DNM3: variants seen among roughly 807,000 people sequenced by gnomAD.
DNM3 encodes dynamin-3.
In DNM3, 47 loss-of-function variants were observed where a neutral mutation model predicts 101.6. The observed-to-expected ratio is 0.46, with a 90% confidence interval of 0.37 to 0.59. The LOEUF is 0.59. DNM3 is among the 20% of genes least tolerant of loss of function. The pLI is 0.00. For missense variants in DNM3, 849 were observed against 1,085.7 expected (o/e 0.78, Z 3.06); for synonymous variants, 385 against 387.9 (o/e 0.99, Z 0.09).
intron 16 of DNM3, among the ~76,000 whole-genome samples, chr1:172,317,880 C>A (rs1249003954): frequency 1.3e-5 from 2 of 152,230 alleles, no homozygotes; most frequent in Admixed American, 1.3e-4. Flanking sequence ...TCCTCCCTAA[C>A]TCATTTTGAG....
At chr1:172,084,841 A>G (rs1450121558) in intron 12 of DNM3, among the ~76,000 whole-genome samples, 2 of 152,316 alleles carry the variant, frequency 1.3e-5, no homozygotes. Flanking sequence ...ATGGTGATGT[A>G]CATAGTACTT....
At chr1:172,289,788 G>T in intron 15 of DNM3, 1 of 985,148 alleles carries the variant, frequency 1.0e-6, no homozygotes. Context: ...ATACTTTTGA[G>T]TTACTATTTG....
chr1:172,191,125 T>G (rs2059705831), intron 14 of DNM3, among the ~76,000 whole-genome samples: 1 of 152,186 alleles, frequency 6.6e-6, no homozygotes, highest in African/African-American at 2.4e-5. Flanking sequence ...GCCTAGGTTT[T>G]TTTCTGGGGT....
At chr1:172,119,301 A>G (rs551683447) in intron 13 of DNM3, among the ~76,000 whole-genome samples, 1 of 152,078 alleles carries the variant, frequency 6.6e-6, no homozygotes, top group South Asian at 2.1e-4. Context: ...CAGTTGTTAA[A>G]TATTTTTAAT....
chr1:172,266,162 C>T (rs994369427), intron 15 of DNM3, among the ~76,000 whole-genome samples: 4 of 152,126 alleles, frequency 2.6e-5, no homozygotes, highest in Admixed American at 6.5e-5. Flanking sequence ...TATTTTTCCA[C>T]TTGTTAGCTG....
At chr1:171,991,262 C>T (rs1296163102) in intron 4 of DNM3, among the ~76,000 whole-genome samples, 3 of 152,112 alleles carry the variant, frequency 2.0e-5, no homozygotes, top group Non-Finnish European at 4.4e-5. Flanking sequence ...CTGGAAATAG[C>T]ATCAGATCAC....
At chr1:172,052,645 C>G (rs1294389530) in intron 10 of DNM3, among the ~76,000 whole-genome samples, 1 of 152,090 alleles carries the variant, frequency 6.6e-6, no homozygotes, top group Non-Finnish European at 1.5e-5. Flanking sequence ...ATTCCACTCT[C>G]TTTATAAAGC....
chr1:172,054,766 C>T (rs1405084107), intron 10 of DNM3, among the ~76,000 whole-genome samples: 1 of 152,114 alleles, frequency 6.6e-6, no homozygotes, highest in Non-Finnish European at 1.5e-5. Context: ...CGAGACCACC[C>T]TGGCCAACAT....
intron 4 of DNM3, among the ~76,000 whole-genome samples, chr1:172,024,175 T>C (rs1345583261): frequency 6.6e-6 from 1 of 152,182 alleles, no homozygotes; most frequent in Non-Finnish European, 1.5e-5. Context: ...CTTTCTTTTC[T>C]TTTCTTTTTA....
chr1:171,946,472 G>A (rs995022274), intron 2 of DNM3, among the ~76,000 whole-genome samples: 1 of 152,108 alleles, frequency 6.6e-6, no homozygotes, highest in Non-Finnish European at 1.5e-5. Context: ...CTATTTTGGT[G>A]TGGTGTGGTA....
At chr1:172,021,890 A>T (rs1242719620) in intron 4 of DNM3, among the ~76,000 whole-genome samples, 1 of 152,208 alleles carries the variant, frequency 6.6e-6, no homozygotes, top group Non-Finnish European at 1.5e-5. Flanking sequence ...GTGTTAAATT[A>T]TTCTTTAGTT....
chr1:171,931,140 G>T (rs1186116186), intron 2 of DNM3, among the ~76,000 whole-genome samples: 1 of 152,124 alleles, frequency 6.6e-6, no homozygotes, highest in African/African-American at 2.4e-5. Flanking sequence ...ATAAATTATT[G>T]TTGAAAGAAA....
At chr1:172,231,594 G>A (rs868625289) in intron 14 of DNM3, among the ~76,000 whole-genome samples, 1 of 152,200 alleles carries the variant, frequency 6.6e-6, no homozygotes, top group Non-Finnish European at 1.5e-5. Flanking sequence ...GCTGGATGGA[G>A]AATGACTTTG....
At chr1:172,194,105 C>T (rs1241149387) in intron 14 of DNM3, among the ~76,000 whole-genome samples, 1 of 152,150 alleles carries the variant, frequency 6.6e-6, no homozygotes, top group Non-Finnish European at 1.5e-5. Flanking sequence ...ATTCTGCCTT[C>T]ATTTCATTAT....
At chr1:172,267,549 C>A (rs892762020) in intron 15 of DNM3, among the ~76,000 whole-genome samples, 31 of 151,342 alleles carry the variant, frequency 2.0e-4, no homozygotes, top group African/African-American at 6.6e-4. Flanking sequence ...ATGACATTGT[C>A]CTTTAAGAAA....
chr1:171,937,119 T>G (rs1455237064), intron 2 of DNM3, among the ~76,000 whole-genome samples: 1 of 152,240 alleles, frequency 6.6e-6, no homozygotes, highest in Non-Finnish European at 1.5e-5. Flanking sequence ...TTTCATAAAT[T>G]AGACTGATAC....
intron 2 of DNM3, among the ~76,000 whole-genome samples, chr1:171,924,751 C>T (rs1393595942): frequency 6.6e-6 from 1 of 152,156 alleles, no homozygotes; most frequent in Non-Finnish European, 1.5e-5. Context: ...TATCAATAGC[C>T]ATTCTGACTG....
At chr1:171,903,035 G>C (rs887647820) in intron 1 of DNM3, among the ~76,000 whole-genome samples, 6 of 151,990 alleles carry the variant, frequency 3.9e-5, no homozygotes, top group Admixed American at 1.3e-4. Flanking sequence ...CTGCCAAATA[G>C]TCCCAGCTAT....
intron 14 of DNM3, among the ~76,000 whole-genome samples, chr1:172,159,988 T>A (rs1272332385): frequency 6.6e-6 from 1 of 151,726 alleles, no homozygotes; most frequent in Non-Finnish European, 1.5e-5. Flanking sequence ...TGTAGGCAGT[T>A]GTAACACAAT....
Sources: allele counts gnomAD v4.1 joint callset (sites outside exome capture counted in the v4.1 genomes callset), GRCh38; gene constraint gnomAD v4.1.1; transcripts MANE v1.5; gene names NCBI Gene and HGNC (gene_info 2026-07-23, HGNC 2026-07-21).